The following RGSL1 variants were observed in gnomAD, a reference collection of about 807,000 sequenced individuals.
The protein encoded by RGSL1 is regulator of G protein signaling protein-like.
Under a neutral mutation model 124.7 loss-of-function variants are expected in RGSL1, and 97 were observed. That is an observed-to-expected ratio of 0.78 (90% confidence interval 0.66 to 0.92). The LOEUF (loss-of-function observed/expected upper bound fraction) is 0.92, where lower values mean the gene tolerates loss of function less well. Among genes scored for constraint, RGSL1 ranks in the 40% least tolerant of loss-of-function variants. The probability of loss-of-function intolerance (pLI) is 0.00; values close to 1 mark genes in which losing one functional copy is unlikely to be tolerated. For synonymous variants in RGSL1, 424 were observed against 438.1 expected, an observed-to-expected ratio of 0.97 and a Z score of 0.40; for missense variants, 1,233 against 1,288.4, an observed-to-expected ratio of 0.96 and a Z score of 0.66.
intron 4 of RGSL1, among the ~76,000 whole-genome samples, chr1:182,461,667 TA>T (rs1229498704): frequency 1.3e-5 from 2 of 151,748 alleles, no homozygotes; most frequent in East Asian, 1.9e-4. Context: ...AGAAAAACCT[TA>T]AAAAAACAAA....
intron 6 of RGSL1, among the ~76,000 whole-genome samples, chr1:182,484,771 T>A (rs1455735422): frequency 6.6e-6 from 1 of 152,078 alleles, no homozygotes. Context: ...ATGTTCAGCC[T>A]GAAGGGGTTA....
chr1:182,539,849 G>T (rs1373027267), intron 14 of RGSL1, among the ~76,000 whole-genome samples: 1 of 151,774 alleles, frequency 6.6e-6, no homozygotes, highest in East Asian at 1.9e-4. Context: ...CTTTTTCTTT[G>T]TGCTGCTTTC....
Position 182,514,888 on chromosome 1 carries a change from A to G in RGSL1, c.1826-7116A>G, listed in dbSNP as rs142894620. 2.0e-3 allele frequency among the ~76,000 whole-genome samples: 306 copies of G among 152,344 alleles called. 6 individuals carry two copies. Among genetic ancestry groups the G allele is most frequent in the African/African-American group, 6.8e-3 (284 of 41,578 alleles). On this transcript the variant is annotated intron_variant, in intron 9 of 21. Coordinates refer to ENST00000294854, the MANE Select transcript of RGSL1 (RefSeq NM_001137669.2). ...TTTTTTCTCCAGATTCTGAGGGTCA[A>G]AGTAGTCCCAAGGATTCAGGATACA... is the stretch of plus-strand genomic sequence containing the variant.
intron 4 of RGSL1, among the ~76,000 whole-genome samples, chr1:182,469,868 A>C (rs1653678203): frequency 6.6e-6 from 1 of 152,230 alleles, no homozygotes; most frequent in Non-Finnish European, 1.5e-5. Flanking sequence ...CAACATGAAT[A>C]AATCCTGAAG....
intron 9 of RGSL1, among the ~76,000 whole-genome samples, chr1:182,502,284 T>C (rs938213092): frequency 2.6e-5 from 4 of 152,102 alleles, no homozygotes; most frequent in Admixed American, 2.6e-4. Context: ...CTTCTACTGG[T>C]TTTAGATTTA....
At chr1:182,538,374 A>T (rs1326152881) in intron 14 of RGSL1, among the ~76,000 whole-genome samples, 1 of 152,094 alleles carries the variant, frequency 6.6e-6, no homozygotes, top group Non-Finnish European at 1.5e-5. Flanking sequence ...CTAACAGTAC[A>T]AAAATTAGCC....
At chr1:182,458,889 A>G (rs1038439607) in intron 3 of RGSL1, among the ~76,000 whole-genome samples, 11 of 152,232 alleles carry the variant, frequency 7.2e-5, no homozygotes, top group African/African-American at 2.7e-4. Flanking sequence ...ATCCAGGTCT[A>G]CATTTCTCCT....
chr1:182,457,618 T>C (rs1049946688), intron 2 of RGSL1, among the ~76,000 whole-genome samples: 1 of 152,052 alleles, frequency 6.6e-6, no homozygotes, highest in Non-Finnish European at 1.5e-5. Flanking sequence ...GTGCTGAGAG[T>C]TCAGCCAGTA....
chr1:182,499,843 A>G (rs2102141864), intron 9 of RGSL1, among the ~76,000 whole-genome samples: 1 of 152,000 alleles, frequency 6.6e-6, no homozygotes, highest in African/African-American at 2.4e-5. Flanking sequence ...TCCCTTAAGG[A>G]CCTCTTGTAA....
intron 9 of RGSL1, among the ~76,000 whole-genome samples, chr1:182,508,775 G>A (rs976606761): frequency 7.5e-6 from 1 of 133,848 alleles, no homozygotes; most frequent in South Asian, 2.7e-4. Flanking sequence ...TGGAGGGAAG[G>A]CCAGCAGATA....
chr1:182,518,124 C>T (rs1658036864), intron 9 of RGSL1, among the ~76,000 whole-genome samples: 1 of 152,168 alleles, frequency 6.6e-6, no homozygotes, highest in African/African-American at 2.4e-5. Context: ...ACTGCAGCCT[C>T]AACTTCCTGG....
chr1:182,488,267 G>A lies in RGSL1; in HGVS notation c.1432-18G>A. 1 of 1,551,604 alleles carries A rather than the reference G, an allele frequency of 6.4e-7. No homozygotes were observed. Among genetic ancestry groups the A allele is most frequent in the Non-Finnish European group, 8.7e-7 (1 of 1,146,620 alleles). ...TGACCATCCACCTCATAATGCATATGCTGTGTTTGGTTTTCAGATGCTCAG... is the reference window on the plus strand; with the variant it reads ...TGACCATCCACCTCATAATGCATATACTGTGTTTGGTTTTCAGATGCTCAG... On this transcript the variant is annotated intron_variant, in intron 6 of 21. Coordinates refer to ENST00000294854, the MANE Select transcript of RGSL1 (RefSeq NM_001137669.2).
chr1:182,522,168 A>G (rs1658396217), intron 10 of RGSL1, 59 bp downstream of exon 10: 1 of 1,161,906 alleles, frequency 8.6e-7, no homozygotes, highest in East Asian at 2.6e-5. Flanking sequence ...GAAAAACCTC[A>G]ACATGTCTAA....
chr1:182,458,365 G>A lies in RGSL1; in HGVS notation c.143G>A (p.Ser48Asn). The change falls in exon 3 of 22, where the codon AGC becomes AAC. Residue 48 changes from serine (S) to asparagine (N), a missense_variant. Physicochemically the swap from Ser to Asn is conservative, Grantham distance 46. Coordinates refer to ENST00000294854, the MANE Select transcript of RGSL1 (RefSeq NM_001137669.2). ...PFYTVENSQWSLWPEIPCNLI... is the reference protein window; with the variant it reads ...PFYTVENSQWNLWPEIPCNLI... The stretch of plus-strand genomic sequence containing the variant: ...TATACTGTTGAAAATTCACAGTGGA[G>A]CTTGTGGCCAGAAATACCTTGTAAC... 1 of 1,552,158 alleles carries A rather than the reference G, an allele frequency of 6.4e-7. No individual in the cohort carries two copies. The highest frequency in any genetic ancestry group is 1.4e-5 in the African/African-American group (1 of 73,170).
chr1:182,557,464 C>T (rs1402806548), intron 21 of RGSL1, among the ~76,000 whole-genome samples: 1 of 152,168 alleles, frequency 6.6e-6, no homozygotes, highest in East Asian at 1.9e-4. Context: ...GTTAGGCCAG[C>T]AACAAGGTGA....
At chr1:182,483,468 T>C (rs1050358581) in intron 6 of RGSL1, among the ~76,000 whole-genome samples, 5 of 152,088 alleles carry the variant, frequency 3.3e-5, no homozygotes, top group African/African-American at 1.2e-4. Context: ...ATACTTAATA[T>C]ATGTGTATAT....
intron 4 of RGSL1, among the ~76,000 whole-genome samples, chr1:182,469,771 A>G (rs1653668442): frequency 1.3e-5 from 2 of 152,322 alleles, no homozygotes; most frequent in African/African-American, 2.4e-5. Flanking sequence ...CAATGGATGA[A>G]TGGATAAGCA....
In RGSL1 at chr1:182,532,763, T is replaced by G. The variant is rs1164813256; in HGVS notation, c.2466T>G (p.Leu822=). 2 of 1,550,822 alleles carry G rather than the reference T, an allele frequency of 1.3e-6. No individual in the cohort carries two copies. The highest frequency in any genetic ancestry group is 3.9e-5 in the Admixed American group (2 of 50,982). ...PSKRQEFEDY[L]HQEMQNSKEN... is the part of the protein sequence containing the mutation. Reference sequence around the variant, plus strand: ...AGCGCCAGGAATTTGAAGACTATCTTCACCAGGAAATGCAAAATAGCAAGG... The same window carrying G: ...AGCGCCAGGAATTTGAAGACTATCTGCACCAGGAAATGCAAAATAGCAAGG... Residue 822 remains leucine, a synonymous_variant, in exon 14 of 22, where the codon CTT becomes CTG. Transcript: ENST00000294854.
At position 182,560,069 on chromosome 1, in the gene RGSL1, G is replaced by A. The variant is rs530075653; in HGVS notation, c.*166-210G>A. Among the ~76,000 whole-genome samples, 3 of 152,312 alleles carry A rather than the reference G, an allele frequency of 2.0e-5. No homozygotes were observed. In the South Asian group the frequency reaches 6.2e-4, roughly 32 times the overall value. On this transcript the variant is annotated intron_variant, in intron 21 of 21. Transcript: ENST00000294854. ...ATGCATGACTAAATGAATTGTGCTG[G>A]GTGCTGGAAACGCAGTGGAGAAAAC... is the stretch of plus-strand genomic sequence containing the variant.
Sources: allele counts gnomAD v4.1 joint callset (sites outside exome capture counted in the v4.1 genomes callset), GRCh38; gene constraint gnomAD v4.1.1; transcripts MANE v1.5; gene names NCBI Gene and HGNC (gene_info 2026-07-23, HGNC 2026-07-21).